Variants in KCNIP4 observed in about 807,000 individuals in gnomAD.
KCNIP4 encodes Kv channel-interacting protein 4.
KCNIP4 carries 12 observed loss-of-function variants against 34.0 expected under a neutral mutation model. The observed-to-expected ratio is 0.35, with a 90% CI of 0.23 to 0.57. The LOEUF is 0.57. Among genes scored for constraint, KCNIP4 ranks in the 20% least tolerant of loss-of-function variants. The probability of loss-of-function intolerance (pLI) is 0.83; values close to 1 mark genes in which losing one functional copy is unlikely to be tolerated. For missense variants in KCNIP4, 238 were observed against 311.7 expected (o/e 0.76, Z 1.78); for synonymous variants, 124 against 102.2 (o/e 1.21, Z -1.29).
chr4:21,688,783 C>T (rs1038306488), intron 1 of KCNIP4, among the ~76,000 whole-genome samples: 1 of 151,922 alleles, frequency 6.6e-6, no homozygotes, highest in East Asian at 2.0e-4. Flanking sequence ...AGCAAAACTT[C>T]CTGTTCCTAC....
At chr4:21,810,145 G>T (rs756264919) in intron 1 of KCNIP4, among the ~76,000 whole-genome samples, 1 of 152,204 alleles carries the variant, frequency 6.6e-6, no homozygotes, top group Admixed American at 6.5e-5. Flanking sequence ...AATGGAGACT[G>T]CTGAGCCTGT....
chr4:21,095,438 C>A (rs1483142904), intron 1 of KCNIP4, among the ~76,000 whole-genome samples: 1 of 152,158 alleles, frequency 6.6e-6, no homozygotes, highest in Non-Finnish European at 1.5e-5. Context: ...CCGTCTCATT[C>A]TTATCAGTCA....
intron 1 of KCNIP4, among the ~76,000 whole-genome samples, chr4:21,943,216 A>G (rs1730301495): frequency 1.3e-5 from 2 of 152,236 alleles, no homozygotes; most frequent in South Asian, 4.1e-4. Context: ...ATTCAGATCT[A>G]TATCAACAAT....
In KCNIP4 at chr4:20,939,329, C is replaced by G. The variant is rs141136894; in HGVS notation, c.62-56620G>C. 2.0e-3 allele frequency among the ~76,000 whole-genome samples: 304 copies of G among 152,190 alleles called. 1 individual carries two copies. Among genetic ancestry groups the G allele is most frequent in the African/African-American group, 7.0e-3 (291 of 41,550 alleles). On this transcript the variant is annotated intron_variant, in intron 1 of 8. Coordinates refer to ENST00000382152, the MANE Select transcript of KCNIP4 (RefSeq NM_025221.6). ...TCTTCCAGATTTCCGATGCTTCCCT[C>G]ATTGCTAGATGTTAAACTTTCAGCC...
At chr4:21,409,343 C>G (rs1724285541) in intron 1 of KCNIP4, among the ~76,000 whole-genome samples, 1 of 151,960 alleles carries the variant, frequency 6.6e-6, no homozygotes, top group Non-Finnish European at 1.5e-5. Flanking sequence ...GTCTCAAACT[C>G]CTGGCCTCAA....
intron 3 of KCNIP4, among the ~76,000 whole-genome samples, chr4:20,801,677 C>A (rs944589950): frequency 1.3e-5 from 2 of 151,894 alleles, no homozygotes; most frequent in Non-Finnish European, 2.9e-5. Context: ...AAACAAAAAA[C>A]ATGGCAGATA....
chr4:21,791,771 G>C (rs1720296921), intron 1 of KCNIP4, among the ~76,000 whole-genome samples: 1 of 152,014 alleles, frequency 6.6e-6, no homozygotes, highest in Non-Finnish European at 1.5e-5. Flanking sequence ...GGAGGCCGAG[G>C]TGGGCGGATC....
intron 1 of KCNIP4, among the ~76,000 whole-genome samples, chr4:21,583,709 C>A (rs1220736262): frequency 2.6e-5 from 4 of 151,840 alleles, no homozygotes; most frequent in African/African-American, 9.7e-5. Flanking sequence ...TTTTATTTCA[C>A]CCATTTCTTC....
intron 3 of KCNIP4, among the ~76,000 whole-genome samples, chr4:20,797,235 G>T (rs550362851): frequency 4.5e-4 from 68 of 152,270 alleles, no homozygotes; most frequent in African/African-American, 1.5e-3. Context: ...CAGATATAAG[G>T]TCAGAAAATA....
At chr4:21,945,526 C>T (rs183993522) in intron 1 of KCNIP4, among the ~76,000 whole-genome samples, 21 of 152,266 alleles carry the variant, frequency 1.4e-4, no homozygotes, top group African/African-American at 3.1e-4. Context: ...GCCAAAGCCA[C>T]GATACATCCA....
intron 1 of KCNIP4, among the ~76,000 whole-genome samples, chr4:21,340,934 C>T (rs10516383): frequency 0.033 from 5,047 of 152,154 alleles, 215 homozygotes; most frequent in East Asian, 0.19. Context: ...ATATTAACAT[C>T]GGTGGGAACC....
chr4:21,026,545 T>C (rs1740574518), intron 1 of KCNIP4, among the ~76,000 whole-genome samples: 1 of 152,004 alleles, frequency 6.6e-6, no homozygotes, highest in East Asian at 1.9e-4. Context: ...TCCCAACTAC[T>C]CAGGAGGCTG....
intron 5 of KCNIP4, among the ~76,000 whole-genome samples, chr4:20,746,298 C>T (rs534406917): frequency 6.6e-6 from 1 of 152,030 alleles, no homozygotes; most frequent in African/African-American, 2.4e-5. Context: ...TGCATGTTCT[C>T]ACTCATAGCT....
chr4:21,389,551 T>C (rs1350555283), intron 1 of KCNIP4, among the ~76,000 whole-genome samples: 1 of 147,566 alleles, frequency 6.8e-6, no homozygotes, highest in Non-Finnish European at 1.5e-5. Context: ...GAACATGCGG[T>C]GTTTGGTTTT....
chr4:21,146,135 A>C (rs2109227177), intron 1 of KCNIP4, among the ~76,000 whole-genome samples: 1 of 152,334 alleles, frequency 6.6e-6, no homozygotes, highest in South Asian at 2.1e-4. Flanking sequence ...GCAGTGGCTC[A>C]CGCCTGTAAC....
At chr4:21,644,065 G>A (rs759715817) in intron 1 of KCNIP4, among the ~76,000 whole-genome samples, 4 of 132,288 alleles carry the variant, frequency 3.0e-5, no homozygotes, top group Non-Finnish European at 5.1e-5. Context: ...TGTAAGGAAC[G>A]GTGTCCTGGT....
chr4:21,029,585 G>C (rs893574431), intron 1 of KCNIP4, among the ~76,000 whole-genome samples: 3 of 152,184 alleles, frequency 2.0e-5, no homozygotes, highest in African/African-American at 7.2e-5. Context: ...AATGCTTTCT[G>C]TCCTGTAAAG....
rs897256209 is a variant in KCNIP4 at position 21,370,122 on chromosome 4, C to T, written c.62-487413G>A. On this transcript the variant is annotated intron_variant, in intron 1 of 8. Transcript: ENST00000382152. ...GATTACAGGCTTGAGCCACTGCACC[C>T]GGCCAACCCAAGTTATTCTTAATGT... is the stretch of plus-strand genomic sequence containing the variant. Among the ~76,000 whole-genome samples the T allele has an allele frequency of 4.1e-5, 6 of 147,662 alleles. 1 individual carries two copies. Among genetic ancestry groups the T allele is most frequent in the Non-Finnish European group, 5.9e-5 (4 of 68,042 alleles).
intron 1 of KCNIP4, among the ~76,000 whole-genome samples, chr4:21,609,699 AC>A (rs1744000796): frequency 6.6e-6 from 1 of 152,196 alleles, no homozygotes; most frequent in African/African-American, 2.4e-5. Flanking sequence ...AATTAGGGAC[AC>A]AGACTAGTGA....
Sources: allele counts gnomAD v4.1 joint callset (sites outside exome capture counted in the v4.1 genomes callset), GRCh38; gene constraint gnomAD v4.1.1; transcripts MANE v1.5; gene names NCBI Gene and HGNC (gene_info 2026-07-23, HGNC 2026-07-21).